ANO4: variants seen among roughly 807,000 people sequenced by gnomAD.
The protein encoded by ANO4 is anoctamin 4.
In ANO4, 69 loss-of-function variants were observed where a neutral mutation model predicts 141.9. The observed-to-expected ratio is 0.49, with a 90% confidence interval of 0.40 to 0.59. The LOEUF (loss-of-function observed/expected upper bound fraction) is 0.59. Ranked by LOEUF, ANO4 falls within the 20% of genes least tolerant of loss-of-function variation. The pLI is 0.00. For missense variants in ANO4, 894 were observed against 1,162.2 expected, an observed-to-expected ratio of 0.77 and a Z score of 3.36; for synonymous variants, 350 against 394.3, an observed-to-expected ratio of 0.89 and a Z score of 1.33.
At chr12:100,834,609 T>C (rs952732759) in intron 1 of ANO4, among the ~76,000 whole-genome samples, 1 of 152,156 alleles carries the variant, frequency 6.6e-6, no homozygotes, top group Non-Finnish European at 1.5e-5. Context: ...TACATAAACA[T>C]TCCTGTCTTC....
chr12:100,816,197 C>T (rs539206136), intron 1 of ANO4, among the ~76,000 whole-genome samples: 2 of 152,078 alleles, frequency 1.3e-5, no homozygotes, highest in East Asian at 3.9e-4. Flanking sequence ...GGTACAATCT[C>T]TGTCCTTATG....
chr12:100,725,975 C>A (rs1373522121), intron 1 of ANO4, among the ~76,000 whole-genome samples: 1 of 152,174 alleles, frequency 6.6e-6, no homozygotes, highest in Non-Finnish European at 1.5e-5. Flanking sequence ...TTCTAGCAAT[C>A]TGAGCGGTCA....
intron 9 of ANO4, among the ~76,000 whole-genome samples, chr12:101,027,510 C>T (rs1169228177): frequency 6.6e-6 from 1 of 152,218 alleles, no homozygotes; most frequent in Non-Finnish European, 1.5e-5. Context: ...CCAGGCCATG[C>T]TTTTCCCCTG....
chr12:101,115,546 CT>C (rs1425492917), intron 24 of ANO4, among the ~76,000 whole-genome samples: 1 of 152,146 alleles, frequency 6.6e-6, no homozygotes, highest in Non-Finnish European at 1.5e-5. Context: ...AAAACCCAAG[CT>C]TTTGTATGTA....
intron 23 of ANO4, among the ~76,000 whole-genome samples, chr12:101,111,040 C>A (rs2050645098): frequency 1.3e-5 from 2 of 152,228 alleles, no homozygotes; most frequent in Non-Finnish European, 2.9e-5. Flanking sequence ...GTCTTTTATT[C>A]ATTTCTGCAT....
At chr12:101,048,439 A>G in intron 14 of ANO4, 38 bp downstream of exon 14, 1 of 1,561,100 alleles carries the variant, frequency 6.4e-7, no homozygotes, top group Non-Finnish European at 8.8e-7. Context: ...AGTTTTCCTC[A>G]TATGCCCTAT....
intron 1 of ANO4, among the ~76,000 whole-genome samples, chr12:100,800,263 GTTAC>G (rs2034600525): frequency 6.6e-6 from 1 of 152,156 alleles, no homozygotes; most frequent in South Asian, 2.1e-4. Flanking sequence ...TCATTTACCT[GTTAC>G]TTACTGAGCA....
chr12:100,815,279 G>A (rs1457951541), intron 1 of ANO4, among the ~76,000 whole-genome samples: 2 of 152,100 alleles, frequency 1.3e-5, no homozygotes, highest in African/African-American at 4.8e-5. Flanking sequence ...GCAAGTTACT[G>A]TATTTTTCTG....
At chr12:101,112,087 T>C (rs951451862) in intron 24 of ANO4, among the ~76,000 whole-genome samples, 1 of 152,222 alleles carries the variant, frequency 6.6e-6, no homozygotes, top group Non-Finnish European at 1.5e-5. Context: ...TATCATTTTA[T>C]GAGTTTGCAA....
chr12:101,094,590 T>C (rs928298769), intron 18 of ANO4, among the ~76,000 whole-genome samples: 1 of 152,204 alleles, frequency 6.6e-6, no homozygotes, highest in African/African-American at 2.4e-5. Context: ...GTATCCAGTA[T>C]AATTTAGGAA....
intron 1 of ANO4, among the ~76,000 whole-genome samples, chr12:100,891,940 G>A (rs996369202): frequency 3.9e-5 from 6 of 151,988 alleles, no homozygotes; most frequent in East Asian, 3.9e-4. Context: ...TTTGGTAACC[G>A]CCATTCTACT....
chr12:100,743,669 G>A (rs1218507598), intron 3 of ANO4, among the ~76,000 whole-genome samples: 1 of 152,160 alleles, frequency 6.6e-6, no homozygotes, highest in Non-Finnish European at 1.5e-5. Context: ...TTCTTGCTTA[G>A]TAAGTGTCAT....
intron 16 of ANO4, among the ~76,000 whole-genome samples, chr12:101,084,799 T>C (rs1243807126): frequency 6.6e-6 from 1 of 152,228 alleles, no homozygotes; most frequent in Non-Finnish European, 1.5e-5. Flanking sequence ...GATTAAGCTT[T>C]TCCTGTTCTA....
intron 9 of ANO4, among the ~76,000 whole-genome samples, chr12:101,023,828 A>G (rs952382461): frequency 2.0e-5 from 3 of 152,234 alleles, no homozygotes. Context: ...TCAATATTTC[A>G]TTATCATCTT....
chr12:101,090,906 G>A (rs917586428), intron 17 of ANO4, among the ~76,000 whole-genome samples: 2 of 152,102 alleles, frequency 1.3e-5, no homozygotes, highest in Non-Finnish European at 2.9e-5. Context: ...GCCTAGATAA[G>A]AGGAAGTAAA....
intron 3 of ANO4, among the ~76,000 whole-genome samples, chr12:100,783,769 C>T (rs1354041242): frequency 6.6e-6 from 1 of 152,130 alleles, no homozygotes; most frequent in African/African-American, 2.4e-5. Flanking sequence ...ATTACTAGCC[C>T]ACAACTGCGT....
intron 3 of ANO4, among the ~76,000 whole-genome samples, chr12:100,929,596 T>C (rs138989610): frequency 2.6e-5 from 4 of 152,234 alleles, no homozygotes; most frequent in Non-Finnish European, 4.4e-5. Context: ...AGATAGCTAG[T>C]ATACTAATTT....
At chr12:100,929,894 T>G (rs752069514) in intron 3 of ANO4, among the ~76,000 whole-genome samples, 1 of 152,186 alleles carries the variant, frequency 6.6e-6, no homozygotes, top group Non-Finnish European at 1.5e-5. Context: ...ATGAGATTTC[T>G]CATTGTAGTT....
At position 100,987,610 on chromosome 12, in the gene ANO4, T is replaced by A; in HGVS notation, c.674T>A (p.Leu225Gln). 2.5e-6 allele frequency: 4 copies of A among 1,614,100 alleles called. No homozygotes were observed. Among genetic ancestry groups the A allele is most frequent in the Non-Finnish European group, 3.4e-6 (4 of 1,179,996 alleles). ...KKPMRLDKET[L>Q]PDLEENDCYT... ...CCAATGAGGCTGGACAAGGAGACAC[T>A]GCCAGACCTGGAGGAGAATGACTGC... is the stretch of plus-strand genomic sequence containing the variant. The change falls in exon 8 of 28, where the codon CTG (leucine) becomes CAG (glutamine). Residue 225 changes from leucine (L) to glutamine (Q), a missense_variant. Around this residue, in one of 2 missense-constraint regions of ANO4, gnomAD observed 637 missense variants for 909.2 expected, o/e 0.70. Transcript: ENST00000392977.
Sources: allele counts gnomAD v4.1 joint callset (sites outside exome capture counted in the v4.1 genomes callset), GRCh38; gene constraint gnomAD v4.1.1; regional missense constraint gnomAD v4.1.1; transcripts MANE v1.5; gene names NCBI Gene and HGNC (gene_info 2026-07-23, HGNC 2026-07-21).